ZNF385B: variants seen among roughly 807,000 people sequenced by gnomAD.
The protein encoded by ZNF385B is zinc finger protein 385B, also known as zinc finger protein 533.
A neutral mutation model predicts 39.2 loss-of-function variants in ZNF385B; 23 were observed. The ratio of observed to expected loss-of-function variants is 0.59; its 90% confidence interval spans 0.42 to 0.83. The LOEUF is 0.83. Ranked by LOEUF, ZNF385B falls within the 40% of genes least tolerant of loss-of-function variation. ZNF385B has a pLI of 0.00. For synonymous variants in ZNF385B, 205 were observed against 222.6 expected (o/e 0.92, Z 0.70); for missense variants, 552 against 598.9 (o/e 0.92, Z 0.82).
intron 1 of ZNF385B, among the ~76,000 whole-genome samples, chr2:179,829,511 G>A (rs1035087647): frequency 6.6e-5 from 10 of 151,894 alleles, no homozygotes; most frequent in South Asian, 2.1e-4. Context: ...GTTTGGATAT[G>A]ACTTTTTTTT....
chr2:179,822,791 A>T (rs1707477991), intron 1 of ZNF385B, among the ~76,000 whole-genome samples: 1 of 152,214 alleles, frequency 6.6e-6, no homozygotes, highest in South Asian at 2.1e-4. Flanking sequence ...TATTCTTTGC[A>T]CACAAAAATA....
At chr2:179,650,035 C>T (rs1693066665) in intron 3 of ZNF385B, among the ~76,000 whole-genome samples, 1 of 152,222 alleles carries the variant, frequency 6.6e-6, no homozygotes, top group Non-Finnish European at 1.5e-5. Flanking sequence ...GTGCTCAGCA[C>T]AGAGCCTGGC....
intron 6 of ZNF385B, among the ~76,000 whole-genome samples, chr2:179,449,463 A>G (rs1233842945): frequency 6.6e-6 from 1 of 152,144 alleles, no homozygotes; most frequent in African/African-American, 2.4e-5. Flanking sequence ...AATAACAGAC[A>G]AACAGAGAGC....
intron 3 of ZNF385B, among the ~76,000 whole-genome samples, chr2:179,757,349 T>A (rs1194523451): frequency 6.8e-6 from 1 of 146,164 alleles, no homozygotes. Flanking sequence ...GGTACCCAGC[T>A]GTGTGAGGTG....
chr2:179,469,135 G>A (rs923134204), intron 6 of ZNF385B, among the ~76,000 whole-genome samples: 4 of 152,144 alleles, frequency 2.6e-5, no homozygotes, highest in African/African-American at 9.7e-5. Flanking sequence ...TGCCTATGGA[G>A]TAGCCATTCT....
intron 3 of ZNF385B, among the ~76,000 whole-genome samples, chr2:179,729,009 C>T (rs1022239344): frequency 4.6e-4 from 69 of 151,250 alleles, no homozygotes; most frequent in Non-Finnish European, 8.3e-4. Flanking sequence ...AAATAATAGG[C>T]CAAATTCTAA....
intron 3 of ZNF385B, among the ~76,000 whole-genome samples, chr2:179,708,652 A>G (rs1699789668): frequency 6.6e-6 from 1 of 152,196 alleles, no homozygotes; most frequent in Non-Finnish European, 1.5e-5. Context: ...CTGACTCTCT[A>G]AACAATGGGC....
At chr2:179,830,901 A>G (rs1047983225) in intron 1 of ZNF385B, among the ~76,000 whole-genome samples, 1 of 152,230 alleles carries the variant, frequency 6.6e-6, no homozygotes, top group Admixed American at 6.5e-5. Flanking sequence ...AACAACTATA[A>G]CAAATGGATC....
intron 3 of ZNF385B, among the ~76,000 whole-genome samples, chr2:179,652,216 A>G (rs1300406162): frequency 6.6e-6 from 1 of 152,256 alleles, no homozygotes; most frequent in Non-Finnish European, 1.5e-5. Flanking sequence ...CTTTTTCATG[A>G]TGTGGTTTCA....
chr2:179,633,288 G>A (rs773222561), intron 3 of ZNF385B, among the ~76,000 whole-genome samples: 6 of 152,052 alleles, frequency 3.9e-5, no homozygotes, highest in East Asian at 1.9e-4. Context: ...GATGAATGTC[G>A]ATGCAAAAAT....
intron 3 of ZNF385B, among the ~76,000 whole-genome samples, chr2:179,686,977 T>TC (rs201283365): frequency 2.0e-5 from 3 of 151,416 alleles, no homozygotes; most frequent in South Asian, 2.1e-4. Flanking sequence ...TTTTTTTTTT[T>TC]CAAAATATCT....
chr2:179,756,531 G>A (rs1439569192), intron 3 of ZNF385B, among the ~76,000 whole-genome samples: 1 of 152,176 alleles, frequency 6.6e-6, no homozygotes, highest in Non-Finnish European at 1.5e-5. Flanking sequence ...GGCCTGCCTT[G>A]CTAGGTTGGG....
intron 1 of ZNF385B, among the ~76,000 whole-genome samples, chr2:179,800,317 A>G (rs1313011769): frequency 6.6e-6 from 1 of 152,082 alleles, no homozygotes; most frequent in Non-Finnish European, 1.5e-5. Context: ...GCAAATAATA[A>G]AGCAATGGGA....
At position 179,443,248 on chromosome 2, in the gene ZNF385B, C is replaced by T. The variant is rs760965374; in HGVS notation, c.*2G>A. 3.8e-5 allele frequency: 61 copies of T among 1,612,118 alleles called. No homozygotes were observed. Among genetic ancestry groups the T allele is most frequent in the South Asian group, 7.7e-5 (7 of 91,006 alleles). On this transcript the variant is annotated 3_prime_UTR_variant, in exon 10 of 10. Transcript: ENST00000410066. ...CCTCAAACGTCTTGGGGTTTGCAGA[C>T]GTTAGTACGGAGCAAAGAGGATGGA...
At chr2:179,764,197 TA>T (rs1703560538) in intron 3 of ZNF385B, among the ~76,000 whole-genome samples, 1 of 152,174 alleles carries the variant, frequency 6.6e-6, no homozygotes, top group Non-Finnish European at 1.5e-5. Context: ...ATCTTATCAG[TA>T]CATAATGTCT....
chr2:179,499,262 A>G (rs2056538586), intron 5 of ZNF385B, among the ~76,000 whole-genome samples: 1 of 151,888 alleles, frequency 6.6e-6, no homozygotes, highest in Admixed American at 6.6e-5. Flanking sequence ...TATTAATCCT[A>G]CTCAAATTAT....
intron 3 of ZNF385B, among the ~76,000 whole-genome samples, chr2:179,621,186 A>G (rs781113251): frequency 1.7e-4 from 26 of 152,148 alleles, no homozygotes; most frequent in Non-Finnish European, 4.4e-5. Context: ...TAACTATGCA[A>G]TTGAGGAAAT....
At chr2:179,493,784 C>CATATATGTATACATATATATATATGCAT (rs1559338478) in intron 5 of ZNF385B, among the ~76,000 whole-genome samples, 1 of 88,512 alleles carries the variant, frequency 1.1e-5, no homozygotes, top group African/African-American at 4.2e-5. Context: ...TGTATATACA[C>CATATATGTATACATATATATATATGCAT]ATATGTATAC....
chr2:179,447,683 T>C (rs1270410869), intron 6 of ZNF385B, among the ~76,000 whole-genome samples: 2 of 152,172 alleles, frequency 1.3e-5, no homozygotes, highest in Admixed American at 6.6e-5. Context: ...AAAATGTCTA[T>C]AGATATGCTG....
Sources: allele counts gnomAD v4.1 joint callset (sites outside exome capture counted in the v4.1 genomes callset), GRCh38; gene constraint gnomAD v4.1.1; transcripts MANE v1.5; gene names NCBI Gene and HGNC (gene_info 2026-07-23, HGNC 2026-07-21).